The following GPC3 variants were observed in gnomAD, a reference collection of about 807,000 sequenced individuals.
GPC3 encodes glypican-3.
In GPC3, 3 loss-of-function variants were observed where a neutral mutation model predicts 34.4. That is an observed-to-expected ratio of 0.09 (90% CI 0.04 to 0.23). The LOEUF is 0.23. GPC3 is among the 10% of genes least tolerant of loss of function. The probability of loss-of-function intolerance (pLI) is 1.00; values close to 1 mark genes in which losing one functional copy is unlikely to be tolerated. For synonymous variants in GPC3, 177 were observed against 174.0 expected, an observed-to-expected ratio of 1.02 and a Z score of -0.13; for missense variants, 351 against 445.6, an observed-to-expected ratio of 0.79 and a Z score of 1.91.
intron 2 of GPC3, among the ~76,000 whole-genome samples, chrX:133,900,266 A>G (rs746598141): frequency 1.8e-5 from 2 of 112,707 alleles, no homozygotes; most frequent in Admixed American, 1.9e-4. Context: ...TGAATGTTAA[A>G]TGTTGAATTT....
intron 2 of GPC3, among the ~76,000 whole-genome samples, chrX:133,929,777 T>A (rs1367118449): frequency 1.1e-4 from 12 of 112,124 alleles, no homozygotes; most frequent in Non-Finnish European, 5.6e-5. Context: ...ACATGGCATT[T>A]GAGGCAAACA....
intron 2 of GPC3, among the ~76,000 whole-genome samples, chrX:133,822,274 T>G (rs1243913609): frequency 8.9e-6 from 1 of 111,933 alleles, no homozygotes; most frequent in Admixed American, 9.5e-5. Context: ...TGTCACAGTA[T>G]CACAGTGCCT....
chrX:133,591,356 G>T (rs1461748341), intron 7 of GPC3, among the ~76,000 whole-genome samples: 1 of 111,542 alleles, frequency 9.0e-6, no homozygotes, highest in African/African-American at 3.3e-5. Context: ...TATAACAGCT[G>T]ACCAAAGCAT....
At position 133,606,381 on chromosome X, in the gene GPC3, ACT is replaced by A. The variant is rs777519099; in HGVS notation, c.1414-9784_1414-9783del. 3.1e-3 allele frequency among the ~76,000 whole-genome samples: 341 copies of A among 111,493 alleles called. 3 individuals carry two copies. The highest frequency in any genetic ancestry group is 0.011 in the African/African-American group (323 of 30,688). ...AGTCAGAAAACTTGGATTCAAATTG[ACT>A]CTATCCTTTACTAGCCTTGTTACTA... On this transcript the variant is annotated intron_variant, in intron 6 of 7. Coordinates refer to ENST00000370818, the MANE Select transcript of GPC3 (RefSeq NM_004484.4).
chrX:133,926,661 A>G (rs1418038452), intron 2 of GPC3, among the ~76,000 whole-genome samples: 1 of 112,404 alleles, frequency 8.9e-6, no homozygotes, highest in Admixed American at 9.4e-5. Flanking sequence ...ATAGACTACC[A>G]TGTGCATGTC....
chrX:133,795,943 C>CT (rs753300332), intron 2 of GPC3, among the ~76,000 whole-genome samples: 8,242 of 84,825 alleles, frequency 0.097, 635 homozygotes, highest in Non-Finnish European at 0.15. Context: ...TTTCTTTTTC[C>CT]TTTTTTTTTT....
At chrX:133,661,980 C>A (rs2070732018) in intron 5 of GPC3, 130 bp from the exon 6 acceptor site, 1 of 676,962 alleles carries the variant, frequency 1.5e-6, no homozygotes, top group East Asian at 3.4e-5. Context: ...CAAAAGTAGA[C>A]CACTCCACAT....
chrX:133,591,463 T>A (rs1425908961), intron 7 of GPC3, among the ~76,000 whole-genome samples: 1 of 111,615 alleles, frequency 9.0e-6, no homozygotes, highest in African/African-American at 3.3e-5. Flanking sequence ...GAAGCATTTT[T>A]AAAGGGGGGC....
At chrX:133,910,891 T>C (rs1158850120) in intron 2 of GPC3, among the ~76,000 whole-genome samples, 2 of 111,802 alleles carry the variant, frequency 1.8e-5, no homozygotes, top group African/African-American at 6.5e-5. Flanking sequence ...CAAGAGAATA[T>C]TGAGTCCCCA....
At chrX:133,894,809 C>T (rs1228106190) in intron 2 of GPC3, among the ~76,000 whole-genome samples, 2 of 111,876 alleles carry the variant, frequency 1.8e-5, no homozygotes, top group Non-Finnish European at 3.8e-5. Context: ...CACAGCACTC[C>T]AGCCTGGGCC....
intron 5 of GPC3, among the ~76,000 whole-genome samples, chrX:133,686,097 AAAGTCACTAGGGAAAT>A (rs2070999610): frequency 8.9e-6 from 1 of 112,201 alleles, no homozygotes; most frequent in Non-Finnish European, 1.9e-5. Flanking sequence ...GATAAGCCTC[AAAGTCACTAGGGAAAT>A]ATAAACCCCT....
chrX:133,840,115 G>A (rs192978837), intron 2 of GPC3, among the ~76,000 whole-genome samples: 1 of 110,745 alleles, frequency 9.0e-6, no homozygotes, highest in Admixed American at 9.6e-5. Context: ...TTTTCGGCAA[G>A]TCACATATCC....
intron 2 of GPC3, among the ~76,000 whole-genome samples, chrX:133,880,901 T>C (rs1221911353): frequency 8.9e-6 from 1 of 112,173 alleles, no homozygotes; most frequent in Non-Finnish European, 1.9e-5. Flanking sequence ...TCCAGCTCTG[T>C]ATATCTTTAA....
chrX:133,536,433 C>G (rs747884679), intron 7 of GPC3, 140 bp from the exon 8 acceptor site: 26 of 169,573 alleles, frequency 1.5e-4, no homozygotes, highest in African/African-American at 1.1e-3. Context: ...AAAAAGGCCA[C>G]TGTGAGATGG....
At chrX:133,580,059 A>T (rs1447954525) in intron 7 of GPC3, among the ~76,000 whole-genome samples, 4 of 112,414 alleles carry the variant, frequency 3.6e-5, no homozygotes, top group African/African-American at 1.3e-4. Flanking sequence ...TAGTTGGAGC[A>T]TAGGATGGAG....
intron 1 of GPC3, among the ~76,000 whole-genome samples, chrX:133,960,232 T>C (rs2076435968): frequency 9.1e-6 from 1 of 109,948 alleles, no homozygotes; most frequent in South Asian, 3.9e-4. Context: ...GACCCAAATT[T>C]GAAGGGCCTT....
chrX:133,920,858 C>T (rs1204303085), intron 2 of GPC3, among the ~76,000 whole-genome samples: 2 of 112,155 alleles, frequency 1.8e-5, no homozygotes, highest in African/African-American at 6.5e-5. Context: ...TAACACCTTA[C>T]ATAACCATGG....
At chrX:133,918,063 A>T (rs1196613556) in intron 2 of GPC3, among the ~76,000 whole-genome samples, 1 of 112,398 alleles carries the variant, frequency 8.9e-6, no homozygotes, top group Non-Finnish European at 1.9e-5. Context: ...CAACATTCAA[A>T]ATTGTATCCA....
intron 6 of GPC3, among the ~76,000 whole-genome samples, chrX:133,607,245 T>C (rs1248983066): frequency 9.1e-6 from 1 of 110,126 alleles, no homozygotes; most frequent in Admixed American, 9.7e-5. Context: ...ATAAAGTTGT[T>C]AGGATTTGGA....
Sources: gnomAD v4.1 joint callset for allele counts (sites outside exome capture counted in the v4.1 genomes callset) on GRCh38, gnomAD v4.1.1 for gene constraint, MANE v1.5 for transcripts, NCBI Gene and HGNC (gene_info 2026-07-23, HGNC 2026-07-21) for gene names.